The following NRG1 variants were observed in gnomAD, a reference collection of about 807,000 sequenced individuals.
The protein encoded by NRG1 is neuregulin 1, also known as pro-neuregulin-1, membrane-bound isoform.
In NRG1, 18 loss-of-function variants were observed where a neutral mutation model predicts 63.8. That is an observed-to-expected ratio of 0.28 (90% CI 0.19 to 0.42). The LOEUF is 0.42. Among genes scored for constraint, NRG1 ranks in the 10% least tolerant of loss-of-function variants. NRG1 has a pLI of 1.00. For synonymous variants in NRG1, 302 were observed against 301.3 expected (o/e 1.00, Z -0.02); for missense variants, 762 against 814.7 (o/e 0.94, Z 0.79).
chr8:31,879,883 A>G (rs1830215242), intron 1 of NRG1, among the ~76,000 whole-genome samples: 1 of 152,180 alleles, frequency 6.6e-6, no homozygotes, highest in Non-Finnish European at 1.5e-5. Context: ...CACAAAATAT[A>G]TGATTGTGTT....
At position 32,015,855 on chromosome 8, in the gene NRG1, T is replaced by G. The variant is rs563442389; in HGVS notation, c.37+376424T>G. On this transcript the variant is annotated intron_variant, in intron 1 of 10. Transcript: ENST00000519301. ...CAACGTAGAAGTTTTCTCTTGTTTGTTTTTTTTTTTATTCTGAGTTATTTT... is the reference window on the plus strand; with the variant it reads ...CAACGTAGAAGTTTTCTCTTGTTTGGTTTTTTTTTTATTCTGAGTTATTTT... 1.4e-4 allele frequency among the ~76,000 whole-genome samples: 20 copies of G among 142,780 alleles called. No individual in the cohort carries two copies. The South Asian group carries it at 4.4e-3, about 31-fold the overall frequency. The allele number at this position is 142,780 out of a possible 152,430, so 93.7% of individuals were successfully genotyped here. A position where few individuals can be genotyped will look rare whatever the true frequency, so the allele number is the denominator to read the frequency against.
intron 1 of NRG1, among the ~76,000 whole-genome samples, chr8:32,270,319 T>C (rs1464300514): frequency 6.6e-6 from 1 of 152,196 alleles, no homozygotes; most frequent in Non-Finnish European, 1.5e-5. Flanking sequence ...TCCCAGGCTC[T>C]GAGTAGAGTT....
At chr8:31,792,052 T>C (rs1820765143) in intron 1 of NRG1, among the ~76,000 whole-genome samples, 1 of 152,140 alleles carries the variant, frequency 6.6e-6, no homozygotes, top group Admixed American at 6.5e-5. Context: ...CCACATCTTA[T>C]AGCTTTGTAG....
At chr8:31,833,977 A>G (rs1486759882) in intron 1 of NRG1, among the ~76,000 whole-genome samples, 1 of 152,204 alleles carries the variant, frequency 6.6e-6, no homozygotes, top group East Asian at 1.9e-4. Context: ...TATTTGGCTC[A>G]GGTAAAAGTA....
intron 1 of NRG1, among the ~76,000 whole-genome samples, chr8:32,098,058 G>A (rs1587125763): frequency 6.6e-6 from 1 of 152,284 alleles, no homozygotes; most frequent in African/African-American, 2.4e-5. Flanking sequence ...AAGCCTTGGG[G>A]AATTCCAGTA....
chr8:32,035,910 G>T (rs1356776107), intron 1 of NRG1, among the ~76,000 whole-genome samples: 1 of 151,914 alleles, frequency 6.6e-6, no homozygotes, highest in Non-Finnish European at 1.5e-5. Flanking sequence ...TCTTTTAGTT[G>T]GGGCATTTAG....
chr8:31,754,276 A>G (rs2131473986), intron 1 of NRG1, among the ~76,000 whole-genome samples: 1 of 152,174 alleles, frequency 6.6e-6, no homozygotes, highest in African/African-American at 2.4e-5. Flanking sequence ...GCAGGTAACT[A>G]AATTATAGGG....
intron 1 of NRG1, among the ~76,000 whole-genome samples, chr8:32,467,791 A>G (rs1587821495): frequency 1.3e-5 from 2 of 152,344 alleles, no homozygotes; most frequent in East Asian, 3.9e-4. Flanking sequence ...TGAAAGGTCA[A>G]TGACATCAGA....
intron 1 of NRG1, among the ~76,000 whole-genome samples, chr8:32,189,038 G>A (rs1007012700): frequency 1.3e-5 from 2 of 152,084 alleles, no homozygotes; most frequent in African/African-American, 4.8e-5. Context: ...AACCCTGGAT[G>A]GCATCTTGAT....
intron 1 of NRG1, among the ~76,000 whole-genome samples, chr8:31,672,582 G>A (rs746013974): frequency 1.3e-5 from 2 of 152,080 alleles, no homozygotes; most frequent in Non-Finnish European, 2.9e-5. Context: ...ATGGCATGTA[G>A]CACAGGAAAT....
At chr8:31,934,420 C>CTTTTT (rs1554580265) in intron 1 of NRG1, among the ~76,000 whole-genome samples, 3 of 108,062 alleles carry the variant, frequency 2.8e-5, no homozygotes, top group Admixed American at 9.5e-5. Flanking sequence ...TATTCGCTCT[C>CTTTTT]TTTTTTTTTT....
chr8:31,954,876 G>C (rs944078541), intron 1 of NRG1, among the ~76,000 whole-genome samples: 2 of 152,038 alleles, frequency 1.3e-5, no homozygotes, highest in Admixed American at 6.6e-5. Context: ...AATGACCCCC[G>C]CTGGCTTTGA....
chr8:31,854,336 C>G (rs1331376892), intron 1 of NRG1, among the ~76,000 whole-genome samples: 1 of 152,186 alleles, frequency 6.6e-6, no homozygotes, highest in African/African-American at 2.4e-5. Flanking sequence ...CTGGTTTAGT[C>G]TTGGGAGAGT....
intron 1 of NRG1, among the ~76,000 whole-genome samples, chr8:31,730,022 C>T (rs1268303214): frequency 3.9e-5 from 6 of 152,078 alleles, no homozygotes; most frequent in Non-Finnish European, 5.9e-5. Context: ...GCTGTGTGTC[C>T]TGTAATGCCC....
At chr8:32,385,085 T>A (rs972913420) in intron 1 of NRG1, among the ~76,000 whole-genome samples, 1 of 152,180 alleles carries the variant, frequency 6.6e-6, no homozygotes, top group African/African-American at 2.4e-5. Flanking sequence ...GGTGGCAAGA[T>A]CTCTGCTCAC....
chr8:31,839,523 G>A (rs1267078115), intron 1 of NRG1, among the ~76,000 whole-genome samples: 1 of 152,154 alleles, frequency 6.6e-6, no homozygotes, highest in Non-Finnish European at 1.5e-5. Flanking sequence ...GCCGTATAAA[G>A]TTACTAAACC....
At chr8:31,697,892 C>T (rs1810240100) in intron 1 of NRG1, among the ~76,000 whole-genome samples, 1 of 138,168 alleles carries the variant, frequency 7.2e-6, no homozygotes, top group Admixed American at 7.4e-5. Context: ...TTCTCTCTTT[C>T]TTTCTTTTTT....
At chr8:32,353,841 C>T (rs144687281) in intron 1 of NRG1, among the ~76,000 whole-genome samples, 6 of 152,258 alleles carry the variant, frequency 3.9e-5, no homozygotes, top group Non-Finnish European at 8.8e-5. Flanking sequence ...GAAATGAAAG[C>T]CTATGTCCAT....
chr8:32,394,852 A>C (rs1812241178), intron 1 of NRG1, among the ~76,000 whole-genome samples: 1 of 152,190 alleles, frequency 6.6e-6, no homozygotes, highest in African/African-American at 2.4e-5. Context: ...AGCATTAAGA[A>C]GATCGCTTTT....
Sources: allele counts gnomAD v4.1 joint callset (sites outside exome capture counted in the v4.1 genomes callset), GRCh38; gene constraint gnomAD v4.1.1; transcripts MANE v1.5; gene names NCBI Gene and HGNC (gene_info 2026-07-23, HGNC 2026-07-21).